Variants in TACC1 observed in about 807,000 individuals in gnomAD.
TACC1 encodes the protein transforming acidic coiled-coil-containing protein 1.
A neutral mutation model predicts 84.4 loss-of-function variants in TACC1; 48 were observed. The observed-to-expected ratio is 0.57, with a 90% CI of 0.45 to 0.72. TACC1 has a LOEUF of 0.72. Ranked by LOEUF, TACC1 falls within the 30% of genes least tolerant of loss-of-function variation. The pLI is 0.00. For synonymous variants in TACC1, 372 were observed against 376.3 expected (o/e 0.99, Z 0.13); for missense variants, 920 against 973.0 (o/e 0.95, Z 0.72).
At chr8:38,838,735 C>T (rs919379912) in intron 8 of TACC1, among the ~76,000 whole-genome samples, 189 bp downstream of exon 8, 6 of 152,128 alleles carry the variant, frequency 3.9e-5, no homozygotes, top group African/African-American at 1.4e-4. Flanking sequence ...TTATTATATT[C>T]AAATACTGTA....
At chr8:38,733,976 T>C (rs769907401) in intron 1 of TACC1, among the ~76,000 whole-genome samples, 24 of 152,180 alleles carry the variant, frequency 1.6e-4, no homozygotes, top group Admixed American at 1.0e-3. Flanking sequence ...AATAATGCAC[T>C]GTAAACCGTT....
rs915504905 is a variant in TACC1, at chr8:38,852,009, T to C, written c.*3986T>C. 1 of 455,492 alleles carries C rather than the reference T, an allele frequency of 2.2e-6. No individual in the cohort carries two copies. Among genetic ancestry groups the C allele is most frequent in the Non-Finnish European group, 4.4e-6 (1 of 226,568 alleles). The allele number at this position is 455,492 out of a possible 1,614,324, so 28.2% of individuals were successfully genotyped here. ...TCCTTGAGTCTCCATAGAGTAACAG[T>C]AAAGAAACTGATGTAACAGACTCTC... is the stretch of plus-strand genomic sequence containing the variant. On this transcript the variant is annotated 3_prime_UTR_variant, in exon 13 of 13. Coordinates refer to ENST00000317827, the MANE Select transcript of TACC1 (RefSeq NM_006283.3).
chr8:38,733,028 G>A (rs1805261830), intron 1 of TACC1, among the ~76,000 whole-genome samples: 1 of 152,174 alleles, frequency 6.6e-6, no homozygotes, highest in Non-Finnish European at 1.5e-5. Flanking sequence ...GACAGGAGAT[G>A]CACGGCATAA....
intron 2 of TACC1, chr8:38,742,561 T>C (rs1807275408): frequency 5.2e-6 from 4 of 775,858 alleles, no homozygotes; most frequent in South Asian, 2.1e-5. Flanking sequence ...GGATTAAGTG[T>C]GAATGAAGGA....
At chr8:38,791,321 T>C (rs1818601186) in intron 2 of TACC1, among the ~76,000 whole-genome samples, 1 of 152,166 alleles carries the variant, frequency 6.6e-6, no homozygotes, top group Non-Finnish European at 1.5e-5. Context: ...GGGTAGTTCA[T>C]GAATGCAGAC....
At chr8:38,812,354 A>C (rs1824394130) in intron 2 of TACC1, among the ~76,000 whole-genome samples, 1 of 152,112 alleles carries the variant, frequency 6.6e-6, no homozygotes, top group East Asian at 1.9e-4. Context: ...TTTGCAGCTC[A>C]GGGGACATCA....
intron 3 of TACC1, among the ~76,000 whole-genome samples, chr8:38,754,279 T>C (rs897184690): frequency 1.7e-4 from 26 of 152,180 alleles, no homozygotes; most frequent in Admixed American, 1.3e-3. Flanking sequence ...ACCATTTTAG[T>C]GGCCCCACCC....
At position 38,807,499 on chromosome 8, in the gene TACC1, A is replaced by C. The variant is rs547961738; in HGVS notation, c.278-12023A>C. ...ACGAATCTGAAAGGAGCTCTTAGAC[A>C]ATGTTTTGCCATACAGTTAAAATCT... On this transcript the variant is annotated intron_variant, in intron 2 of 12. Transcript: ENST00000317827. 2.3e-3 allele frequency among the ~76,000 whole-genome samples: 352 copies of C among 152,314 alleles called. 2 individuals are homozygous for C. The highest frequency in any genetic ancestry group is 4.0e-3 in the Non-Finnish European group (272 of 68,024).
chr8:38,728,968 ATT>A (rs1804375161), intron 1 of TACC1, among the ~76,000 whole-genome samples: 2 of 151,640 alleles, frequency 1.3e-5, no homozygotes, highest in Admixed American at 1.3e-4. Flanking sequence ...TCTTTTCTTT[ATT>A]TTCTTTTCTC....
rs913147283 is a variant in TACC1 at position 38,775,010 on chromosome 8, C to CAA, written c.27-13676_27-13675dup. ...TGGGTGACACGGTGAGACTCCGTCTCAAAAAAAAAAAAAAAAAAATGAAAA... is the reference window on the plus strand; with the variant it reads ...TGGGTGACACGGTGAGACTCCGTCTCAAAAAAAAAAAAAAAAAAAAATGAAAA... On this transcript the variant is annotated intron_variant, in intron 3 of 14. Coordinates refer to the TACC1 transcript ENST00000518415. Among the ~76,000 whole-genome samples, 551 of 83,660 alleles carry CAA rather than the reference C, an allele frequency of 6.6e-3. 12 individuals are homozygous for CAA. The highest frequency in any genetic ancestry group is 0.021 in the African/African-American group (486 of 23,252). 54.9% of individuals were successfully genotyped at this position (83,660 alleles called of 152,430 possible). A position where few individuals can be genotyped will look rare whatever the true frequency, so the allele number is the denominator to read the frequency against.
chr8:38,757,543 C>T (rs1029207543), intron 3 of TACC1: 20 of 1,091,796 alleles, frequency 1.8e-5, no homozygotes, highest in Admixed American at 1.0e-4. Context: ...CACGAGCGCT[C>T]GGCAGCGGGG....
intron 5 of TACC1, chr8:38,828,216 C>T (rs1484688602): frequency 6.6e-6 from 1 of 152,164 alleles, no homozygotes; most frequent in African/African-American, 2.4e-5. Context: ...TGCATATACT[C>T]ATTCATAGCA....
intron 2 of TACC1, among the ~76,000 whole-genome samples, chr8:38,790,100 T>C (rs1010232393): frequency 2.6e-5 from 4 of 152,232 alleles, no homozygotes; most frequent in African/African-American, 9.6e-5. Flanking sequence ...TTCTGAAGGC[T>C]CCAGGAAGTC....
chr8:38,794,146 T>A (rs1463006903), intron 2 of TACC1, among the ~76,000 whole-genome samples: 1 of 152,150 alleles, frequency 6.6e-6, no homozygotes, highest in Non-Finnish European at 1.5e-5. Context: ...ATGAACTTGA[T>A]TTTCAATTGA....
rs1802268 is a variant in TACC1, at chr8:38,842,404, G to A, written c.2078G>A (p.Arg693Lys). The A allele has an allele frequency of 5.6e-6, 9 of 1,613,876 alleles. No individual in the cohort carries two copies. The highest frequency in any genetic ancestry group is 5.9e-6 in the Non-Finnish European group (7 of 1,179,984). Reference sequence around the variant, plus strand: ...GAAAGGTCCCTTTCTGATCTCTTCAGGAGATATGAGAACCTGAAAGGTGTT... The same window carrying A: ...GAAAGGTCCCTTTCTGATCTCTTCAAGAGATATGAGAACCTGAAAGGTGTT... ...SVERSLSDLF[R>K]RYENLKGVLE... is the part of the protein sequence containing the mutation. The change falls in exon 10 of 13, where the codon AGG becomes AAG. Residue 693 changes from arginine (R) to lysine (K), a missense_variant. Physicochemically the swap from Arg to Lys is conservative, Grantham distance 26. This residue lies in a region of TACC1 where 158 missense variants were observed against 225.6 expected (regional missense o/e 0.70). Coordinates refer to ENST00000317827, the MANE Select transcript of TACC1 (RefSeq NM_006283.3).
At chr8:38,756,252 G>A (rs556900083) in intron 3 of TACC1, among the ~76,000 whole-genome samples, 7 of 152,116 alleles carry the variant, frequency 4.6e-5, no homozygotes, top group Non-Finnish European at 1.0e-4. Flanking sequence ...CGCCCACTGT[G>A]TGCCAAGCAT....
intron 2 of TACC1, among the ~76,000 whole-genome samples, chr8:38,819,314 A>G (rs191962150): frequency 6.6e-4 from 101 of 152,354 alleles, no homozygotes; most frequent in African/African-American, 2.3e-3. Flanking sequence ...TAATGCACAT[A>G]CACAACTTGG....
intron 3 of TACC1, among the ~76,000 whole-genome samples, chr8:38,766,473 C>G (rs1047854692): frequency 3.9e-5 from 6 of 152,188 alleles, no homozygotes; most frequent in African/African-American, 1.4e-4. Context: ...TTATACTCTG[C>G]ATGTTCTCAT....
rs555345288 is a variant in TACC1 at position 38,792,711 on chromosome 8, C to T, written c.277+3892C>T. On this transcript the variant is annotated intron_variant, in intron 2 of 12. Coordinates refer to ENST00000317827, the MANE Select transcript of TACC1 (RefSeq NM_006283.3). Reference sequence around the variant, plus strand: ...CGATCTCCTGACCTCGTGATCCGCCCGCCTTGGCCTCCCAAAGTGCTGGGA... The same window carrying T: ...CGATCTCCTGACCTCGTGATCCGCCTGCCTTGGCCTCCCAAAGTGCTGGGA... 4.6e-5 allele frequency among the ~76,000 whole-genome samples: 7 copies of T among 152,236 alleles called. No individual in the cohort carries two copies. In the South Asian group the frequency reaches 1.2e-3, roughly 27 times the overall value.
Sources: gnomAD v4.1 joint callset for allele counts (sites outside exome capture counted in the v4.1 genomes callset) on GRCh38, gnomAD v4.1.1 for gene constraint, gnomAD v4.1.1 regional missense constraint, MANE v1.5 for transcripts, NCBI Gene and HGNC (gene_info 2026-07-23, HGNC 2026-07-21) for gene names.